RNF13: variants seen among roughly 807,000 people sequenced by gnomAD.
RNF13 encodes E3 ubiquitin-protein ligase RNF13.
A neutral mutation model predicts 37.7 loss-of-function variants in RNF13; 19 were observed. The ratio of observed to expected loss-of-function variants is 0.50; its 90% confidence interval spans 0.35 to 0.74. RNF13 has a LOEUF of 0.74. Among genes scored for constraint, RNF13 ranks in the 30% least tolerant of loss-of-function variants. RNF13 has a pLI of 0.01. For synonymous variants in RNF13, 144 were observed against 157.8 expected, an observed-to-expected ratio of 0.91 and a Z score of 0.65; for missense variants, 375 against 453.0, an observed-to-expected ratio of 0.83 and a Z score of 1.56.
chr3:149,913,607 C>T (rs1472451071), intron 7 of RNF13, among the ~76,000 whole-genome samples: 1 of 152,212 alleles, frequency 6.6e-6, no homozygotes, highest in East Asian at 1.9e-4. Context: ...TGTCTTCCCT[C>T]TGGTCTATGA....
intron 4 of RNF13, among the ~76,000 whole-genome samples, chr3:149,894,655 A>G (rs971521860): frequency 6.6e-6 from 1 of 152,176 alleles, no homozygotes; most frequent in African/African-American, 2.4e-5. Context: ...CCAGAACTAT[A>G]TATACTCAAA....
At chr3:149,939,856 T>G (rs1720080564) in intron 8 of RNF13, 1 of 480,280 alleles carries the variant, frequency 2.1e-6, no homozygotes, top group Non-Finnish European at 4.0e-6. Flanking sequence ...CGACTGCTGC[T>G]CCAGAGAACA....
chr3:149,899,471 A>AATGC (rs1715599972), intron 5 of RNF13, among the ~76,000 whole-genome samples: 1 of 151,932 alleles, frequency 6.6e-6, no homozygotes, highest in South Asian at 2.1e-4. Context: ...TGAATGAATG[A>AATGC]ATGAATAAAT....
intron 8 of RNF13, among the ~76,000 whole-genome samples, chr3:149,942,775 C>T (rs970835877): frequency 6.6e-6 from 1 of 152,134 alleles, no homozygotes; most frequent in Non-Finnish European, 1.5e-5. Flanking sequence ...TTGCCTTATT[C>T]CTGCTCTTAG....
At chr3:149,892,679 G>T (rs1445176441) in intron 4 of RNF13, among the ~76,000 whole-genome samples, 1 of 152,142 alleles carries the variant, frequency 6.6e-6, no homozygotes, top group Non-Finnish European at 1.5e-5. Context: ...AACTGTGCAT[G>T]CAAGGGACCT....
At chr3:149,943,199 G>A (rs1211794508) in intron 8 of RNF13, among the ~76,000 whole-genome samples, 1 of 151,134 alleles carries the variant, frequency 6.6e-6, no homozygotes, top group African/African-American at 2.4e-5. Flanking sequence ...CTCATAGAAT[G>A]AGTTTGGAAG....
chr3:149,816,624 A>G (rs1719486126), intron 1 of RNF13, among the ~76,000 whole-genome samples: 1 of 151,994 alleles, frequency 6.6e-6, no homozygotes, highest in Non-Finnish European at 1.5e-5. Context: ...AAGCAAAGGT[A>G]TAGAGATAGG....
chr3:149,960,724 T>C lies in RNF13; in HGVS notation c.782-16T>C. ...CCGCAGCATACTAACTAAAGATGTA[T>C]ATTTTGCTTCAACAGCTTATCACTG... On this transcript the variant is annotated splice_polypyrimidine_tract_variant and intron_variant, in intron 9 of 9. Coordinates refer to ENST00000392894, the MANE Select transcript of RNF13 (RefSeq NM_183381.3). 1 of 1,584,256 alleles carries C rather than the reference T, an allele frequency of 6.3e-7. No individual in the cohort carries two copies. Among genetic ancestry groups the C allele is most frequent in the Non-Finnish European group, 8.6e-7 (1 of 1,168,656 alleles).
At chr3:149,846,464 G>A (rs1210984570) in intron 2 of RNF13, among the ~76,000 whole-genome samples, 4 of 151,950 alleles carry the variant, frequency 2.6e-5, no homozygotes, top group African/African-American at 4.8e-5. Flanking sequence ...CACCATGCCC[G>A]ACTAATTTTT....
intron 3 of RNF13, among the ~76,000 whole-genome samples, chr3:149,853,860 AGG>A (rs1723387130): frequency 8.1e-6 from 1 of 123,752 alleles, no homozygotes; most frequent in Non-Finnish European, 1.6e-5. Context: ...TTTTTAAGGT[AGG>A]GTTTCACTCT....
chr3:149,882,584 CA>C (rs1713555476), intron 4 of RNF13, among the ~76,000 whole-genome samples: 1 of 152,068 alleles, frequency 6.6e-6, no homozygotes, highest in Admixed American at 6.5e-5. Flanking sequence ...TACCAAGAAG[CA>C]TGAAAACAGA....
chr3:149,870,974 G>A (rs1211567944), intron 3 of RNF13, among the ~76,000 whole-genome samples: 1 of 146,888 alleles, frequency 6.8e-6, no homozygotes, highest in South Asian at 2.2e-4. Context: ...ATCTTTTTAT[G>A]TGTTTATTCA....
At position 149,961,003 on chromosome 3, in the gene RNF13, A is replaced by C. The variant is rs972002974; in HGVS notation, c.1045A>C (p.Thr349Pro). 1.2e-6 allele frequency: 2 copies of C among 1,614,246 alleles called. No homozygotes were observed. Among genetic ancestry groups the C allele is most frequent in the Admixed American group, 1.7e-5 (1 of 60,034 alleles). Residue 349 changes from threonine to proline, a missense_variant, in exon 10 of 10, where the codon ACT becomes CCT. Transcript: ENST00000392894. ...SDYEEDDNED[T>P]DSSDAENEIN... ...CTATGAGGAAGACGACAATGAAGAT[A>C]CTGACAGTAGTGATGCAGAAAATGA... is the stretch of plus-strand genomic sequence containing the variant.
intron 8 of RNF13, among the ~76,000 whole-genome samples, chr3:149,950,177 A>T (rs980877896): frequency 6.6e-6 from 1 of 152,146 alleles, no homozygotes; most frequent in Non-Finnish European, 1.5e-5. Flanking sequence ...ACATTAACCA[A>T]CCATTGTTGC....
chr3:149,943,501 C>G (rs1720472965), intron 8 of RNF13, among the ~76,000 whole-genome samples: 1 of 152,306 alleles, frequency 6.6e-6, no homozygotes, highest in Non-Finnish European at 1.5e-5. Context: ...ACATCTGTTG[C>G]AACTGATGAA....
intron 1 of RNF13, among the ~76,000 whole-genome samples, chr3:149,825,429 G>A (rs1720404644): frequency 6.6e-6 from 1 of 152,168 alleles, no homozygotes; most frequent in Non-Finnish European, 1.5e-5. Flanking sequence ...CTCCCGGAGT[G>A]TTGGGATTAC....
intron 1 of RNF13, among the ~76,000 whole-genome samples, chr3:149,841,811 G>A (rs1368938698): frequency 6.6e-6 from 1 of 152,012 alleles, no homozygotes; most frequent in Non-Finnish European, 1.5e-5. Context: ...TGTATTTTTA[G>A]TAGAGACGGG....
intron 3 of RNF13, among the ~76,000 whole-genome samples, chr3:149,870,676 C>T (rs897402883): frequency 2.0e-5 from 3 of 151,880 alleles, no homozygotes; most frequent in African/African-American, 7.2e-5. Context: ...GGAAGGATGA[C>T]CACAGTTGTA....
intron 1 of RNF13, among the ~76,000 whole-genome samples, chr3:149,833,918 A>C (rs1017565801): frequency 2.0e-5 from 3 of 152,248 alleles, no homozygotes; most frequent in Non-Finnish European, 4.4e-5. Flanking sequence ...AAATGAATTC[A>C]GCAAAGTTGC....
Sources: gnomAD v4.1 joint callset for allele counts (sites outside exome capture counted in the v4.1 genomes callset) on GRCh38, gnomAD v4.1.1 for gene constraint, MANE v1.5 for transcripts, NCBI Gene and HGNC (gene_info 2026-07-23, HGNC 2026-07-21) for gene names.